The following ASIC2 variants were observed in gnomAD, a reference collection of about 807,000 sequenced individuals.
ASIC2 encodes acid-sensing ion channel 2.
In ASIC2, 25 loss-of-function variants were observed where a neutral mutation model predicts 57.3. The observed-to-expected ratio is 0.44, with a 90% CI of 0.32 to 0.61. The LOEUF (loss-of-function observed/expected upper bound fraction) is 0.61, where lower values mean the gene tolerates loss of function less well. Ranked by LOEUF, ASIC2 falls within the 20% of genes least tolerant of loss-of-function variation. The pLI is 0.06. For missense variants in ASIC2, 641 were observed against 738.1 expected (o/e 0.87, Z 1.52); for synonymous variants, 319 against 307.5 (o/e 1.04, Z -0.39).
At chr17:33,079,866 G>A (rs568525365) in intron 3 of ASIC2, among the ~76,000 whole-genome samples, 36 of 152,232 alleles carry the variant, frequency 2.4e-4, no homozygotes, top group African/African-American at 8.4e-4. Context: ...GAGGAACAAG[G>A]TTCCACAACT....
At chr17:33,145,539 GC>G (rs1425101772) in intron 1 of ASIC2, among the ~76,000 whole-genome samples, 1 of 152,084 alleles carries the variant, frequency 6.6e-6, no homozygotes, top group Non-Finnish European at 1.5e-5. Context: ...CTCTCTTTTG[GC>G]TTTTTCAGAC....
At chr17:33,711,595 A>G (rs535574220) in intron 1 of ASIC2, among the ~76,000 whole-genome samples, 2 of 152,196 alleles carry the variant, frequency 1.3e-5, no homozygotes, top group African/African-American at 2.4e-5. Flanking sequence ...ACAGTTCTAC[A>G]TGGCTCAGGG....
intron 1 of ASIC2, among the ~76,000 whole-genome samples, chr17:33,162,924 T>A (rs1905202645): frequency 6.6e-6 from 1 of 152,210 alleles, no homozygotes; most frequent in Admixed American, 6.5e-5. Flanking sequence ...AGCATTCAAT[T>A]TCCTTTTATG....
At chr17:33,657,785 C>A (rs1907123898) in intron 1 of ASIC2, among the ~76,000 whole-genome samples, 1 of 146,042 alleles carries the variant, frequency 6.8e-6, no homozygotes, top group Non-Finnish European at 1.5e-5. Context: ...AAAAAGTCTG[C>A]TGCATAATTG....
intron 1 of ASIC2, among the ~76,000 whole-genome samples, chr17:34,023,531 C>T (rs550085706): frequency 3.3e-4 from 50 of 152,278 alleles, no homozygotes; most frequent in African/African-American, 1.1e-3. Flanking sequence ...GAAGTGGGGC[C>T]TTTCAGAGTT....
chr17:34,011,897 G>A (rs1400878516), intron 1 of ASIC2, among the ~76,000 whole-genome samples: 4 of 152,090 alleles, frequency 2.6e-5, no homozygotes, highest in Non-Finnish European at 5.9e-5. Flanking sequence ...CAAGGTCCTG[G>A]CCTCAGCCCT....
At chr17:33,336,787 C>T (rs1907530805) in intron 1 of ASIC2, among the ~76,000 whole-genome samples, 2 of 152,142 alleles carry the variant, frequency 1.3e-5, no homozygotes. Flanking sequence ...AAACCCGGCC[C>T]ACTTTTGATT....
chr17:33,706,321 G>A (rs1289624858), intron 1 of ASIC2, among the ~76,000 whole-genome samples: 1 of 151,594 alleles, frequency 6.6e-6, no homozygotes, highest in African/African-American at 2.4e-5. Flanking sequence ...CCAGGCTCAA[G>A]CCATCCTCCC....
rs1597880808 is a variant in ASIC2 at position 33,799,408 on chromosome 17, TTTCTTTCTTTCTTTCTTTCTTC to T, written c.555+356548_555+356569del. Among the ~76,000 whole-genome samples, 42 of 63,112 alleles carry T rather than the reference TTTCTTTCTTTCTTTCTTTCTTC, an allele frequency of 6.7e-4. 1 individual carries two copies. The highest frequency in any genetic ancestry group is 5.2e-3 in the South Asian group (13 of 2,496). 41.4% of individuals were successfully genotyped at this position (63,112 alleles called of 152,430 possible). On this transcript the variant is annotated intron_variant, in intron 1 of 9. Coordinates refer to the ASIC2 transcript ENST00000359872. ...TTTCTTTCTTTCTTTCTTTCTTTTC[TTTCTTTCTTTCTTTCTTTCTTC>T]TTTCTTTCTTTCTTTCTTTCTTTCT...
At chr17:33,949,627 G>T (rs1050146298) in intron 1 of ASIC2, among the ~76,000 whole-genome samples, 9 of 152,048 alleles carry the variant, frequency 5.9e-5, no homozygotes, top group African/African-American at 2.2e-4. Flanking sequence ...CAAACCATGC[G>T]TCATGTCCTC....
At chr17:34,106,457 T>A (rs1911060340) in intron 1 of ASIC2, among the ~76,000 whole-genome samples, 2 of 152,108 alleles carry the variant, frequency 1.3e-5, no homozygotes, top group Admixed American at 1.3e-4. Context: ...ATTGATTAGT[T>A]GGCCCTCAGC....
intron 1 of ASIC2, among the ~76,000 whole-genome samples, chr17:33,934,849 C>A (rs574775395): frequency 2.0e-5 from 3 of 152,224 alleles, no homozygotes; most frequent in Non-Finnish European, 2.9e-5. Context: ...TGTCCCTCCC[C>A]CTCAAGCTTT....
chr17:33,544,549 A>T (rs1439863516), intron 1 of ASIC2, among the ~76,000 whole-genome samples: 1 of 152,216 alleles, frequency 6.6e-6, no homozygotes, highest in Admixed American at 6.5e-5. Context: ...TAAAAATGTT[A>T]GACTCAACAT....
intron 1 of ASIC2, among the ~76,000 whole-genome samples, chr17:33,196,798 T>C (rs1216454462): frequency 6.6e-6 from 1 of 152,164 alleles, no homozygotes; most frequent in Non-Finnish European, 1.5e-5. Flanking sequence ...AGACAACAAA[T>C]ATGATTCAGA....
intron 1 of ASIC2, among the ~76,000 whole-genome samples, chr17:34,147,495 C>A (rs1912450492): frequency 6.6e-6 from 1 of 152,124 alleles, no homozygotes; most frequent in African/African-American, 2.4e-5. Context: ...TCAAATAAAG[C>A]CCAACCTGAT....
chr17:33,828,785 T>C (rs1913021843), intron 1 of ASIC2, among the ~76,000 whole-genome samples: 1 of 152,202 alleles, frequency 6.6e-6, no homozygotes, highest in Non-Finnish European at 1.5e-5. Context: ...ACAATGTAGA[T>C]AAAAACAATT....
intron 1 of ASIC2, among the ~76,000 whole-genome samples, chr17:33,494,898 C>G (rs1444416205): frequency 6.6e-6 from 1 of 152,196 alleles, no homozygotes; most frequent in Non-Finnish European, 1.5e-5. Context: ...GGAAATCTTC[C>G]TCACTGATCC....
At chr17:33,620,883 C>G (rs1290960905) in intron 1 of ASIC2, among the ~76,000 whole-genome samples, 1 of 152,036 alleles carries the variant, frequency 6.6e-6, no homozygotes, top group Non-Finnish European at 1.5e-5. Flanking sequence ...CACCCCCAGC[C>G]CCCACAGCCT....
intron 1 of ASIC2, among the ~76,000 whole-genome samples, chr17:34,088,544 G>A (rs949045984): frequency 3.9e-5 from 6 of 152,234 alleles, no homozygotes; most frequent in Non-Finnish European, 5.9e-5. Context: ...TGTGTGCTAG[G>A]AGAACCACTG....
Sources: allele counts gnomAD v4.1 joint callset (sites outside exome capture counted in the v4.1 genomes callset), GRCh38; gene constraint gnomAD v4.1.1; transcripts MANE v1.5; gene names NCBI Gene and HGNC (gene_info 2026-07-23, HGNC 2026-07-21).